ANKRD17: variants seen among roughly 807,000 people sequenced by gnomAD.
ANKRD17 encodes ankyrin repeat domain-containing protein 17.
Under a neutral mutation model 229.7 loss-of-function variants are expected in ANKRD17, and 19 were observed. The ratio of observed to expected loss-of-function variants is 0.08; its 90% CI spans 0.06 to 0.12. The LOEUF (loss-of-function observed/expected upper bound fraction) is 0.12, where lower values mean the gene tolerates loss of function less well. ANKRD17 is among the 10% of genes least tolerant of loss of function. The pLI is 1.00. For synonymous variants in ANKRD17, 1,112 were observed against 1,146.1 expected (o/e 0.97, Z 0.60); for missense variants, 2,176 against 3,176.8 (o/e 0.68, Z 7.57).
intron 1 of ANKRD17, among the ~76,000 whole-genome samples, chr4:73,243,172 G>T (rs183302248): frequency 6.6e-6 from 1 of 152,022 alleles, no homozygotes. Flanking sequence ...AACTAGAAGG[G>T]CTGGAACAAC....
At chr4:73,234,735 C>T (rs1743350618) in intron 1 of ANKRD17, among the ~76,000 whole-genome samples, 1 of 152,186 alleles carries the variant, frequency 6.6e-6, no homozygotes, top group Non-Finnish European at 1.5e-5. Context: ...TAAGTAGATG[C>T]CCATACTAAA....
At chr4:73,169,138 A>G (rs749678203) in intron 2 of ANKRD17, 4 of 152,188 alleles carry the variant, frequency 2.6e-5, no homozygotes, top group African/African-American at 4.8e-5. Context: ...ATGGTATTCC[A>G]TGATGTAAAA....
Position 73,115,929 on chromosome 4 carries a change from T to C in ANKRD17, c.4189-13A>G, listed in dbSNP as rs772147093. 1.2e-5 allele frequency: 20 copies of C among 1,608,736 alleles called. No individual in the cohort carries two copies. The South Asian group carries it at 1.5e-4, about 12-fold the overall frequency. On this transcript the variant is annotated splice_polypyrimidine_tract_variant and intron_variant, in intron 22 of 33. Transcript: ENST00000358602. Reference sequence around the variant, plus strand: ...CCTTCACATGACCCTAAAAAATAGATATCAATGTCAGATTGAAAACAGACT... The same window carrying C: ...CCTTCACATGACCCTAAAAAATAGACATCAATGTCAGATTGAAAACAGACT...
In ANKRD17 at chr4:73,121,095, C is replaced by T; in HGVS notation, c.3636-1G>A. The T allele has an allele frequency of 6.2e-7, 1 of 1,612,862 alleles. No homozygotes were observed. The highest frequency in any genetic ancestry group is 8.5e-7 in the Non-Finnish European group (1 of 1,179,074). ...AGAGATGCCCAATTTGCTACCAGTT[C>T]TAGGGGTGCAGGTATGGGGAAAACA... is the stretch of plus-strand genomic sequence containing the variant. On this transcript the variant is annotated splice_acceptor_variant, in intron 19 of 33. Coordinates refer to ENST00000358602, the MANE Select transcript of ANKRD17 (RefSeq NM_032217.5). LOFTEE classifies it high-confidence loss of function.
chr4:73,215,918 A>G (rs1740968177), intron 1 of ANKRD17, among the ~76,000 whole-genome samples: 2 of 152,186 alleles, frequency 1.3e-5, no homozygotes, highest in Admixed American at 1.3e-4. Context: ...GACAGCAGAT[A>G]TGATGGGCAT....
chr4:73,125,411 G>C, intron 16 of ANKRD17, 99 bp from the exon 17 acceptor site: 1 of 873,444 alleles, frequency 1.1e-6, no homozygotes, highest in Admixed American at 2.4e-5. Flanking sequence ...AAATACATAT[G>C]TACCACTCTA....
chr4:73,212,107 C>T (rs1406766904), intron 1 of ANKRD17, among the ~76,000 whole-genome samples: 1 of 152,074 alleles, frequency 6.6e-6, no homozygotes, highest in African/African-American at 2.4e-5. Context: ...CAAGGAGAGT[C>T]TAAACACACT....
chr4:73,149,992 T>C (rs1730793913), intron 7 of ANKRD17, among the ~76,000 whole-genome samples: 1 of 152,228 alleles, frequency 6.6e-6, no homozygotes, highest in African/African-American at 2.4e-5. Flanking sequence ...GTAATTTTTT[T>C]CCATCTATAT....
rs941500084 is a variant in ANKRD17 at position 73,245,588 on chromosome 4, A to G, written c.393+12688T>C. ...TAACTGCCTGCCGTACAGATTTCAC[A>G]CTTGCTTAGCCAGCCCTCACAATCA... is the stretch of plus-strand genomic sequence containing the variant. On this transcript the variant is annotated intron_variant, in intron 1 of 33. Transcript: ENST00000358602. Among the ~76,000 whole-genome samples, 3 of 152,154 alleles carry G rather than the reference A, an allele frequency of 2.0e-5. No homozygotes were observed. In the East Asian group the frequency reaches 5.8e-4, roughly 29 times the overall value.
chr4:73,196,926 T>C (rs1410910175), intron 1 of ANKRD17, among the ~76,000 whole-genome samples: 1 of 152,190 alleles, frequency 6.6e-6, no homozygotes, highest in Non-Finnish European at 1.5e-5. Flanking sequence ...TTGAGCTTTA[T>C]TAAGTTTTAG....
intron 1 of ANKRD17, among the ~76,000 whole-genome samples, chr4:73,201,086 G>C (rs2149107069): frequency 6.7e-6 from 1 of 149,678 alleles, no homozygotes; most frequent in Middle Eastern, 3.6e-3. Flanking sequence ...ATGCCATATA[G>C]AGTAATATTA....
chr4:73,096,676 C>T (rs941449342), intron 27 of ANKRD17, among the ~76,000 whole-genome samples: 2 of 152,128 alleles, frequency 1.3e-5, no homozygotes, highest in Non-Finnish European at 2.9e-5. Context: ...CTCTTGGATA[C>T]ATATTATTTT....
intron 25 of ANKRD17, among the ~76,000 whole-genome samples, chr4:73,099,663 C>G (rs920700497): frequency 6.6e-6 from 1 of 152,192 alleles, no homozygotes. Context: ...GGGGTGCTGG[C>G]GCCAGGATTC....
At chr4:73,096,190 A>G (rs1723279482) in intron 27 of ANKRD17, among the ~76,000 whole-genome samples, 1 of 152,062 alleles carries the variant, frequency 6.6e-6, no homozygotes, top group African/African-American at 2.4e-5. Context: ...TTACCTAACA[A>G]CTCTTTTTAA....
In ANKRD17 at chr4:73,090,970, G is replaced by C. The variant is rs767706949; in HGVS notation, c.6658C>G (p.Leu2220Val). ...RPHSVPSSVQ[L>V]PSTLSTQSAC... ...CTTTGTGTACTTAAGGTCGAAGGTA[G>C]CTGGACAGAAGAGGGAACACTGTGA... Residue 2220 changes from leucine to valine, a missense_variant, in exon 29 of 34, where the codon CTA (leucine) becomes GTA (valine). This residue lies in a region of ANKRD17 where 424 missense variants were observed against 454.0 expected (regional missense o/e 0.93). Coordinates refer to ENST00000358602, the MANE Select transcript of ANKRD17 (RefSeq NM_032217.5). The C allele has an allele frequency of 3.7e-6, 6 of 1,614,238 alleles. No individual in the cohort carries two copies. The South Asian group carries it at 6.6e-5, about 18-fold the overall frequency.
chr4:73,114,890 T>A (rs1725753433), intron 23 of ANKRD17, among the ~76,000 whole-genome samples: 1 of 152,184 alleles, frequency 6.6e-6, no homozygotes, highest in African/African-American at 2.4e-5. Flanking sequence ...TGTGTTAGGA[T>A]CTTATTCAAG....
intron 1 of ANKRD17, among the ~76,000 whole-genome samples, chr4:73,217,021 T>A (rs1018040096): frequency 1.3e-5 from 2 of 152,232 alleles, no homozygotes; most frequent in African/African-American, 4.8e-5. Context: ...CAGAATGAGC[T>A]GTTATCAAGT....
chr4:73,208,106 G>A (rs953616956), intron 1 of ANKRD17, among the ~76,000 whole-genome samples: 3 of 149,398 alleles, frequency 2.0e-5, no homozygotes, highest in Admixed American at 6.7e-5. Flanking sequence ...GGAGAATGGC[G>A]TGAGCCCGGG....
At chr4:73,098,933 G>A (rs981890131) in intron 25 of ANKRD17, 27 of 1,012,204 alleles carry the variant, frequency 2.7e-5, no homozygotes, top group South Asian at 7.6e-5. Flanking sequence ...GGTGAGTTCC[G>A]GGACAGCACT....
Sources: allele counts gnomAD v4.1 joint callset (sites outside exome capture counted in the v4.1 genomes callset), GRCh38; gene constraint gnomAD v4.1.1; regional missense constraint gnomAD v4.1.1; transcripts MANE v1.5; gene names NCBI Gene and HGNC (gene_info 2026-07-23, HGNC 2026-07-21).